Variants in ZNRF1 observed in about 807,000 individuals in gnomAD.
ZNRF1 encodes zinc and ring finger 1, also known as E3 ubiquitin-protein ligase ZNRF1.
In ZNRF1, 3 loss-of-function variants were observed where a neutral mutation model predicts 18.4. That is an observed-to-expected ratio of 0.16 (90% confidence interval 0.07 to 0.42). The LOEUF (loss-of-function observed/expected upper bound fraction) is 0.42. Ranked by LOEUF, ZNRF1 falls within the 10% of genes least tolerant of loss-of-function variation. ZNRF1 has a pLI of 0.99. For synonymous variants in ZNRF1, 157 were observed against 144.2 expected (o/e 1.09, Z -0.64); for missense variants, 310 against 329.8 (o/e 0.94, Z 0.47).
chr16:75,025,636 G>C (rs2145341916), intron 1 of ZNRF1, among the ~76,000 whole-genome samples: 1 of 152,248 alleles, frequency 6.6e-6, no homozygotes, highest in Non-Finnish European at 1.5e-5. Flanking sequence ...AGCCAGCAAA[G>C]AGCTCGACCC....
At chr16:75,056,323 C>G (rs1311836438) in intron 1 of ZNRF1, among the ~76,000 whole-genome samples, 1 of 152,180 alleles carries the variant, frequency 6.6e-6, no homozygotes, top group East Asian at 1.9e-4. Flanking sequence ...GCCAGAGGCC[C>G]TGAAAGGGTT....
At chr16:75,073,146 C>CTCTCTCTCTCTCTCTCTCTCTCTCTG (rs146902791) in intron 1 of ZNRF1, among the ~76,000 whole-genome samples, 7 of 128,734 alleles carry the variant, frequency 5.4e-5, no homozygotes, top group African/African-American at 1.8e-4. Context: ...CTCTCTCTCT[C>CTCTCTCTCTCTCTCTCTCTCTCTCTG]TCTCTCTGTC....
intron 1 of ZNRF1, among the ~76,000 whole-genome samples, chr16:75,063,493 C>T (rs781670139): frequency 2.0e-5 from 3 of 152,060 alleles, no homozygotes; most frequent in African/African-American, 7.2e-5. Flanking sequence ...CAGTGTTTGC[C>T]GTGGATAGGT....
Position 74,999,798 on chromosome 16 carries a change from G to C in ZNRF1, c.127G>C (p.Ala43Pro), listed in dbSNP as rs1455090812. The change falls in exon 1 of 5, where the codon GCC (alanine) becomes CCC (proline). Residue 43 changes from alanine (A) to proline (P), a missense_variant. Physicochemically the swap from Ala to Pro is conservative, Grantham distance 27. Around this residue, in one of 2 missense-constraint regions of ZNRF1, gnomAD observed 293 missense variants for 291.2 expected, o/e 1.01. Coordinates refer to ENST00000335325, the MANE Select transcript of ZNRF1 (RefSeq NM_032268.5). ...CGGGCACTACCGGACGGGCGGCGGG[G>C]CCATGGGGCTGCGCAGCCGCTCGGT... ...HFGHYRTGGG[A>P]MGLRSRSVSS... 1 of 1,428,856 alleles carries C rather than the reference G, an allele frequency of 7.0e-7. No homozygotes were observed. Among genetic ancestry groups the C allele is most frequent in the South Asian group, 1.5e-5 (1 of 67,868 alleles). 88.5% of individuals were successfully genotyped at this position (1,428,856 alleles called of 1,614,324 possible).
At chr16:75,104,940 G>T (rs769423298) in intron 3 of ZNRF1, 51 bp downstream of exon 3, 1 of 1,434,254 alleles carries the variant, frequency 7.0e-7, no homozygotes, top group African/African-American at 1.4e-5. Context: ...CCAGAGGGGC[G>T]GACCCCCATC....
At chr16:75,096,059 CACGTGTGTGTGTGTGTGTGTGTGTGTGT>C (rs1419900264) in intron 2 of ZNRF1, among the ~76,000 whole-genome samples, 1 of 61,766 alleles carries the variant, frequency 1.6e-5, no homozygotes, top group Non-Finnish European at 3.7e-5. Context: ...TGTATGTGTG[CACGTGTGTGTGTGTGTGTGTGTGTGTGT>C]GTGTGTGTGT....
chr16:75,009,928 GT>G lies in ZNRF1; in HGVS notation c.424+9834del, dbSNP rs1436230231. 3.5e-4 allele frequency among the ~76,000 whole-genome samples: 36 copies of G among 101,718 alleles called. No individual in the cohort carries two copies. In the Admixed American group the frequency reaches 4.5e-3, roughly 13 times the overall value. The allele number at this position is 101,718 out of a possible 152,430, so 66.7% of individuals were successfully genotyped here. On this transcript the variant is annotated intron_variant, in intron 1 of 4. Coordinates refer to ENST00000335325, the MANE Select transcript of ZNRF1 (RefSeq NM_032268.5). ...CTTTTCATGTGTTTATTGGCCATTT[GT>G]ATATCTTTTTTGGAGAAATAATCTA...
rs1321170067 is a variant in ZNRF1 at position 74,999,406 on chromosome 16, G to T, written c.-266G>T. 4.1e-4 allele frequency: 126 copies of T among 306,566 alleles called. No homozygotes were observed. The East Asian group carries it at 6.3e-3, about 15-fold the overall frequency. The allele number at this position is 306,566 out of a possible 1,614,324, so 19.0% of individuals were successfully genotyped here. On this transcript the variant is annotated 5_prime_UTR_variant, in exon 1 of 5. Transcript: ENST00000335325. Reference sequence around the variant, plus strand: ...GCCTGTGGCGCGCGGAGCCCGCGCCGGACTGCGCCTCTTTGGACCTTGAGG... The same window carrying T: ...GCCTGTGGCGCGCGGAGCCCGCGCCTGACTGCGCCTCTTTGGACCTTGAGG...
At chr16:75,028,509 A>G (rs1006783317) in intron 1 of ZNRF1, among the ~76,000 whole-genome samples, 3 of 152,152 alleles carry the variant, frequency 2.0e-5, no homozygotes, top group Admixed American at 1.3e-4. Context: ...TGGCCAGGCT[A>G]GTCTCGAACT....
chr16:75,056,898 A>G (rs1260176502), intron 1 of ZNRF1, among the ~76,000 whole-genome samples: 10 of 152,134 alleles, frequency 6.6e-5, no homozygotes, highest in Non-Finnish European at 1.2e-4. Context: ...TGGCCTCCCA[A>G]AGTGCTGGGA....
chr16:75,055,137 T>C lies in ZNRF1; in HGVS notation c.425-38435T>C, dbSNP rs1235612269. ...GGGCCAGGCATCACCCCATGCTGCATTGATGCAGGGAGTGAATTGAGAAGT... is the reference window on the plus strand; with the variant it reads ...GGGCCAGGCATCACCCCATGCTGCACTGATGCAGGGAGTGAATTGAGAAGT... On this transcript the variant is annotated intron_variant, in intron 1 of 4. Transcript: ENST00000335325. Among the ~76,000 whole-genome samples, 5 of 152,190 alleles carry C rather than the reference T, an allele frequency of 3.3e-5. No homozygotes were observed. In the East Asian group the frequency reaches 7.7e-4, roughly 23 times the overall value.
At chr16:75,004,702 C>T (rs57729824) in intron 1 of ZNRF1, among the ~76,000 whole-genome samples, 1,598 of 152,290 alleles carry the variant, frequency 0.01, 33 homozygotes, top group African/African-American at 0.037. Context: ...TAGCCTCAAA[C>T]TCTTGGGCTC....
At chr16:75,082,666 G>A (rs1321436072) in intron 1 of ZNRF1, among the ~76,000 whole-genome samples, 1 of 152,162 alleles carries the variant, frequency 6.6e-6, no homozygotes, top group Non-Finnish European at 1.5e-5. Context: ...CCATCCTCCT[G>A]CCTCAGCCTC....
chr16:75,009,836 A>G (rs1181775134), intron 1 of ZNRF1, among the ~76,000 whole-genome samples: 2 of 152,004 alleles, frequency 1.3e-5, no homozygotes, highest in Non-Finnish European at 2.9e-5. Context: ...AGCCATCTTA[A>G]TGGATGTGAG....
intron 1 of ZNRF1, among the ~76,000 whole-genome samples, chr16:75,073,611 G>T (rs1183045367): frequency 6.6e-6 from 1 of 152,134 alleles, no homozygotes; most frequent in African/African-American, 2.4e-5. Flanking sequence ...AAATGGCCTG[G>T]TGCTACGGAT....
chr16:75,021,751 T>G (rs2035151873), intron 1 of ZNRF1, among the ~76,000 whole-genome samples: 1 of 152,220 alleles, frequency 6.6e-6, no homozygotes, highest in African/African-American at 2.4e-5. Context: ...TTATCTTGTC[T>G]TTACTCATGG....
At chr16:75,076,994 T>A (rs906692804) in intron 1 of ZNRF1, among the ~76,000 whole-genome samples, 1 of 152,106 alleles carries the variant, frequency 6.6e-6, no homozygotes, top group Admixed American at 6.5e-5. Context: ...GTTTATTGTT[T>A]AAGCCGTCCA....
chr16:75,025,746 C>A (rs1332027093), intron 1 of ZNRF1, among the ~76,000 whole-genome samples: 2 of 152,192 alleles, frequency 1.3e-5, no homozygotes, highest in Non-Finnish European at 2.9e-5. Flanking sequence ...TAACTTGTTT[C>A]AGAGTTCACT....
At chr16:75,073,859 C>G (rs1189829480) in intron 1 of ZNRF1, among the ~76,000 whole-genome samples, 1 of 151,952 alleles carries the variant, frequency 6.6e-6, no homozygotes, top group Non-Finnish European at 1.5e-5. Context: ...ATAGGGTTGC[C>G]GGATCATAGA....
Sources: gnomAD v4.1 joint callset for allele counts (sites outside exome capture counted in the v4.1 genomes callset) on GRCh38, gnomAD v4.1.1 for gene constraint, gnomAD v4.1.1 regional missense constraint, MANE v1.5 for transcripts, NCBI Gene and HGNC (gene_info 2026-07-23, HGNC 2026-07-21) for gene names.